Variants in TRPM6 observed in about 807,000 individuals in gnomAD.
TRPM6 encodes channel kinase 2.
A neutral mutation model predicts 247.6 loss-of-function variants in TRPM6; 111 were observed. The ratio of observed to expected loss-of-function variants is 0.45; its 90% CI spans 0.38 to 0.52. The LOEUF (loss-of-function observed/expected upper bound fraction) is 0.52, where lower values mean the gene tolerates loss of function less well. TRPM6 is among the 20% of genes least tolerant of loss of function. The pLI is 0.00. For missense variants in TRPM6, 2,126 were observed against 2,421.5 expected (o/e 0.88, Z 2.56); for synonymous variants, 892 against 853.8 (o/e 1.04, Z -0.78).
intron 1 of TRPM6, among the ~76,000 whole-genome samples, chr9:74,872,373 G>A (rs1831053333): frequency 6.6e-6 from 1 of 152,152 alleles, no homozygotes; most frequent in African/African-American, 2.4e-5. Flanking sequence ...CTGGCCTCAA[G>A]CAATCCTCCC....
At position 74,815,386 on chromosome 9, in the gene TRPM6, T is replaced by C. The variant is rs562477531; in HGVS notation, c.1308+1283A>G. 2.0e-5 allele frequency among the ~76,000 whole-genome samples: 3 copies of C among 152,300 alleles called. No individual in the cohort carries two copies. The East Asian group carries it at 5.8e-4, about 29-fold the overall frequency. The stretch of plus-strand genomic sequence containing the variant: ...TTTCTGTAGGAAAAAATAGTTTAAA[T>C]CATGAATTAAAATACACCCAAACAT... On this transcript the variant is annotated intron_variant, in intron 11 of 38. Coordinates refer to ENST00000360774, the MANE Select transcript of TRPM6 (RefSeq NM_017662.5).
At chr9:74,784,872 G>C (rs928680692) in intron 21 of TRPM6, among the ~76,000 whole-genome samples, 4 of 152,210 alleles carry the variant, frequency 2.6e-5, no homozygotes, top group African/African-American at 9.6e-5. Flanking sequence ...AGCATTTTGG[G>C]AGGCTGAGGC....
At chr9:74,860,133 T>C (rs1830651531) in intron 1 of TRPM6, among the ~76,000 whole-genome samples, 1 of 152,200 alleles carries the variant, frequency 6.6e-6, no homozygotes, top group African/African-American at 2.4e-5. Flanking sequence ...GATTAGTTGA[T>C]GGGTTCCTGT....
chr9:74,813,570 T>C (rs905164871), intron 11 of TRPM6, among the ~76,000 whole-genome samples: 15 of 152,200 alleles, frequency 9.9e-5, no homozygotes, highest in Admixed American at 5.2e-4. Context: ...TATGTTGGTA[T>C]CTGGGGGCCC....
chr9:74,846,261 T>C (rs182153881), intron 3 of TRPM6, among the ~76,000 whole-genome samples: 6 of 152,330 alleles, frequency 3.9e-5, no homozygotes, highest in Admixed American at 3.9e-4. Context: ...GCCCAGTACA[T>C]GAACAGACAT....
intron 15 of TRPM6, 32 bp from the exon 16 acceptor site, chr9:74,802,207 A>C: frequency 6.3e-7 from 1 of 1,596,096 alleles, no homozygotes; most frequent in Non-Finnish European, 8.6e-7. Flanking sequence ...ATGAGTTTTC[A>C]AATACTCAGA....
In TRPM6 at chr9:74,786,096, G is replaced by A. The variant is rs1356151893; in HGVS notation, c.2697C>T (p.Thr899=). The A allele has an allele frequency of 5.0e-6, 8 of 1,614,088 alleles. No individual in the cohort carries two copies. Among genetic ancestry groups the A allele is most frequent in the Admixed American group, 1.7e-5 (1 of 60,016 alleles). ...EICISEPGKF[T]QKVKVWISEY... ...CACTAATCCATACCTTCACCTTTTG[G>A]GTAAACTTCCCAGGTTCTGAAATAC... Residue 899 remains threonine, a synonymous_variant, in exon 21 of 39, where the codon ACC becomes ACT. Transcript: ENST00000360774.
chr9:74,840,214 T>G lies in TRPM6; in HGVS notation c.354A>C (p.Thr118=). ...HAKYIRTSYD[T]KLDHLLHLML... is the part of the protein sequence containing the mutation. Reference sequence around the variant, plus strand: ...TTAAATGTAACAGATGATCCAGTTTTGTATCATAAGAAGTTCTAATATACT... The same window carrying G: ...TTAAATGTAACAGATGATCCAGTTTGGTATCATAAGAAGTTCTAATATACT... The change falls in exon 5 of 39, where the codon ACA becomes ACC. Residue 118 remains threonine (T), a synonymous_variant. Coordinates refer to ENST00000360774, the MANE Select transcript of TRPM6 (RefSeq NM_017662.5). 1.2e-6 allele frequency: 2 copies of G among 1,613,704 alleles called. No homozygotes were observed. The highest frequency in any genetic ancestry group is 1.7e-6 in the Non-Finnish European group (2 of 1,179,600).
rs542681414 is a variant in TRPM6 at position 74,886,201 on chromosome 9, T to G, written c.33+1623A>C. On this transcript the variant is annotated intron_variant, in intron 1 of 38. Coordinates refer to ENST00000360774, the MANE Select transcript of TRPM6 (RefSeq NM_017662.5). ...ACCAAAGGGTACTAGTCTCCAGTTTTGGCCCAAAAAACAAAACTCATGCTA... is the reference window on the plus strand; with the variant it reads ...ACCAAAGGGTACTAGTCTCCAGTTTGGGCCCAAAAAACAAAACTCATGCTA... 4.9e-4 allele frequency among the ~76,000 whole-genome samples: 75 copies of G among 152,304 alleles called. 1 individual carries two copies. Among genetic ancestry groups the G allele is most frequent in the African/African-American group, 1.7e-3 (72 of 41,570 alleles).
intron 37 of TRPM6, among the ~76,000 whole-genome samples, chr9:74,729,832 T>C (rs1825462461): frequency 6.6e-6 from 1 of 152,194 alleles, no homozygotes; most frequent in South Asian, 2.1e-4. Flanking sequence ...TTTCACTCAT[T>C]TGCTTTCCAT....
chr9:74,836,429 T>C (rs1342350771), intron 5 of TRPM6, among the ~76,000 whole-genome samples: 1 of 152,170 alleles, frequency 6.6e-6, no homozygotes. Context: ...CCAACTCATT[T>C]TCTGACCCTC....
intron 2 of TRPM6, among the ~76,000 whole-genome samples, chr9:74,858,429 T>G (rs1001800108): frequency 6.6e-6 from 1 of 150,460 alleles, no homozygotes; most frequent in Non-Finnish European, 1.5e-5. Flanking sequence ...GCCTACTATG[T>G]GGCAGGCACT....
intron 9 of TRPM6, 88 bp downstream of exon 9, chr9:74,820,215 TG>T: frequency 7.0e-7 from 1 of 1,427,156 alleles, no homozygotes; most frequent in Non-Finnish European, 9.8e-7. Flanking sequence ...GTGTCCACCA[TG>T]TTTTTTTTTA....
At chr9:74,817,493 T>C (rs547830453) in intron 9 of TRPM6, among the ~76,000 whole-genome samples, 1 of 152,286 alleles carries the variant, frequency 6.6e-6, no homozygotes, top group African/African-American at 2.4e-5. Flanking sequence ...CCAGCCAGAC[T>C]TGCTTTTTTA....
chr9:74,735,809 G>C (rs1587452504), intron 36 of TRPM6, among the ~76,000 whole-genome samples: 1 of 152,174 alleles, frequency 6.6e-6, no homozygotes, highest in East Asian at 1.9e-4. Context: ...TCTCTCCTTA[G>C]AGTACAGTTT....
intron 27 of TRPM6, among the ~76,000 whole-genome samples, chr9:74,756,665 A>AGT (rs1826437224): frequency 7.5e-6 from 1 of 133,890 alleles, no homozygotes; most frequent in African/African-American, 3.1e-5. Flanking sequence ...GACAACATGA[A>AGT]GAAACCCCGT....
chr9:74,817,321 A>C (rs1376631812), intron 9 of TRPM6, among the ~76,000 whole-genome samples: 1 of 152,194 alleles, frequency 6.6e-6, no homozygotes, highest in Non-Finnish European at 1.5e-5. Flanking sequence ...TCATTCACCT[A>C]GCCTTGGAAA....
intron 3 of TRPM6, among the ~76,000 whole-genome samples, chr9:74,845,618 G>T (rs1205941622): frequency 1.3e-5 from 2 of 152,112 alleles, no homozygotes; most frequent in African/African-American, 4.8e-5. Flanking sequence ...ATCGCTTGAG[G>T]CCAAGAGTTC....
chr9:74,797,923 G>A (rs1408131225), intron 17 of TRPM6, among the ~76,000 whole-genome samples: 1 of 152,148 alleles, frequency 6.6e-6, no homozygotes, highest in Middle Eastern at 3.2e-3. Context: ...CCTTCTGTTA[G>A]ATCCATCTCC....
Sources: allele counts gnomAD v4.1 joint callset (sites outside exome capture counted in the v4.1 genomes callset), GRCh38; gene constraint gnomAD v4.1.1; transcripts MANE v1.5; gene names NCBI Gene and HGNC (gene_info 2026-07-23, HGNC 2026-07-21).